Variants in KCNQ1OT1 observed in about 807,000 individuals in gnomAD.
KCNQ1OT1 encodes the protein KCNQ1 antisense RNA 2 (non-protein coding).
chr11:2,666,679 G>C, exon 1 of KCNQ1OT1: 1 of 398,654 alleles, frequency 2.5e-6, no homozygotes. Flanking sequence ...GGACCAGCTT[G>C]GCCTGGGACA....
At chr11:2,630,445 C>T in exon 1 of KCNQ1OT1, 1 of 398,144 alleles carries the variant, frequency 2.5e-6, no homozygotes, top group Non-Finnish European at 4.4e-6. Flanking sequence ...TGGGATTGTT[C>T]CCTCTTTGTT....
chr11:2,647,379 G>A lies in KCNQ1OT1; in HGVS notation n.52616C>T. The A allele has an allele frequency of 2.5e-6, 1 of 398,576 alleles. No individual in the cohort carries two copies. Among genetic ancestry groups the A allele is most frequent in the Non-Finnish European group, 4.4e-6 (1 of 226,052 alleles). The allele number at this position is 398,576 out of a possible 1,614,324, so 24.7% of individuals were successfully genotyped here. ...ATGTGCGATTGGATTCAGATTGCTA[G>A]TTTGTGTGTCTGTGTGTGTGTTTTG... On this transcript the variant is annotated non_coding_transcript_exon_variant, in exon 1 of 1. Transcript: ENST00000597346. This position sits in a 1 kb window ranked among gnomAD's most constrained non-coding sequence, Gnocchi z 4.0.
chr11:2,633,122 A>T (rs936993781), exon 1 of KCNQ1OT1: 1 of 398,394 alleles, frequency 2.5e-6, no homozygotes, highest in African/African-American at 2.1e-5. Context: ...CTGAGGTGAA[A>T]TAATGTCTCA....
Position 2,617,070 on chromosome 11 carries a change from CT to C in KCNQ1OT1, n.82924del, listed in dbSNP as rs1849079069. The C allele has an allele frequency of 2.5e-6, 1 of 397,834 alleles. No homozygotes were observed. Among genetic ancestry groups the C allele is most frequent in the Non-Finnish European group, 4.4e-6 (1 of 225,792 alleles). 24.6% of individuals were successfully genotyped at this position (397,834 alleles called of 1,614,324 possible). On this transcript the variant is annotated non_coding_transcript_exon_variant, in exon 1 of 1. Coordinates refer to ENST00000597346, the Ensembl canonical transcript of KCNQ1OT1. This position sits in a 1 kb window ranked among gnomAD's most constrained non-coding sequence, Gnocchi z 4.6. ...ATATGTCCATCATCTCACAGTTATT[CT>C]TTTGTGTGTATGAGTGAGAAAAGCT...
chr11:2,641,168 C>T, exon 1 of KCNQ1OT1: 2 of 398,416 alleles, frequency 5.0e-6, no homozygotes, highest in Non-Finnish European at 4.4e-6. Flanking sequence ...ATATCTTTTC[C>T]TTTAGATAAA....
rs572659171 is a variant in KCNQ1OT1, at chr11:2,695,862, T to C, written n.4133A>G. On this transcript the variant is annotated non_coding_transcript_exon_variant, in exon 1 of 1. Transcript: ENST00000597346. The surrounding 1 kb of genome is among the most constrained non-coding windows in gnomAD (Gnocchi z 5.2). ...ATTAGCTTGGGCAAATTTTCATCTG[T>C]TTGTTAACCCTCCTGCAAACTGGCA... 1 of 398,666 alleles carries C rather than the reference T, an allele frequency of 2.5e-6. No individual in the cohort carries two copies. Among genetic ancestry groups the C allele is most frequent in the African/African-American group, 2.1e-5 (1 of 48,764 alleles). 24.7% of individuals were successfully genotyped at this position (398,666 alleles called of 1,614,324 possible).
chr11:2,612,002 G>A lies in KCNQ1OT1; in HGVS notation n.87993C>T. The A allele has an allele frequency of 5.0e-6, 2 of 398,598 alleles. No individual in the cohort carries two copies. The highest frequency in any genetic ancestry group is 8.8e-6 in the Non-Finnish European group (2 of 226,058). The allele number at this position is 398,598 out of a possible 1,614,324, so 24.7% of individuals were successfully genotyped here. On this transcript the variant is annotated non_coding_transcript_exon_variant, in exon 1 of 1. Coordinates refer to ENST00000597346, the Ensembl canonical transcript of KCNQ1OT1. The surrounding 1 kb of genome is among the most constrained non-coding windows in gnomAD (Gnocchi z 5.5). ...TCTCAGTACTCTTATTAACACATATGTTGTTACTCCTTAATTCCACATATG... is the reference window on the plus strand; with the variant it reads ...TCTCAGTACTCTTATTAACACATATATTGTTACTCCTTAATTCCACATATG...
chr11:2,620,844 C>T lies in KCNQ1OT1; in HGVS notation n.79151G>A. On this transcript the variant is annotated non_coding_transcript_exon_variant, in exon 1 of 1. Transcript: ENST00000597346. This position sits in a 1 kb window ranked among gnomAD's most constrained non-coding sequence, Gnocchi z 4.5. ...CGTTCCCTTTTCTCTGCAGCCTTCC[C>T]AGCAACTTTTATTTTTTTGACTTTT... The T allele has an allele frequency of 2.5e-6, 1 of 398,532 alleles. No homozygotes were observed. Among genetic ancestry groups the T allele is most frequent in the Non-Finnish European group, 4.4e-6 (1 of 226,076 alleles). The allele number at this position is 398,532 out of a possible 1,614,324, so 24.7% of individuals were successfully genotyped here. A position where few individuals can be genotyped will look rare whatever the true frequency, so the allele number is the denominator to read the frequency against.
exon 1 of KCNQ1OT1, chr11:2,610,424 C>A (rs1564832738): frequency 2.5e-6 from 1 of 398,224 alleles, no homozygotes. Flanking sequence ...GTTTTATTAA[C>A]CTCCTTATAT....
At chr11:2,649,646 A>G (rs1383251521) in exon 1 of KCNQ1OT1, 1 of 398,452 alleles carries the variant, frequency 2.5e-6, no homozygotes, top group Non-Finnish European at 4.4e-6. Flanking sequence ...TTCCTGGCCT[A>G]GAAGGTTTCT....
chr11:2,664,171 G>A lies in KCNQ1OT1; in HGVS notation n.35824C>T. 3 of 398,762 alleles carry A rather than the reference G, an allele frequency of 7.5e-6. No homozygotes were observed. The highest frequency in any genetic ancestry group is 4.4e-6 in the Non-Finnish European group (1 of 226,192). The allele number at this position is 398,762 out of a possible 1,614,324, so 24.7% of individuals were successfully genotyped here. A position where few individuals can be genotyped will look rare whatever the true frequency, so the allele number is the denominator to read the frequency against. On this transcript the variant is annotated non_coding_transcript_exon_variant, in exon 1 of 1. Transcript: ENST00000597346. This position sits in a 1 kb window ranked among gnomAD's most constrained non-coding sequence, Gnocchi z 5.1. Reference sequence around the variant, plus strand: ...AGAGCAGGCTGTTCCAAAAGTGGCTGCTAGATATGAGCCAGCCTGGGAAGG... The same window carrying A: ...AGAGCAGGCTGTTCCAAAAGTGGCTACTAGATATGAGCCAGCCTGGGAAGG...
In KCNQ1OT1 at chr11:2,623,166, T is replaced by C. The variant is rs1849202967; in HGVS notation, n.76829A>G. 2.5e-6 allele frequency: 1 copy of C among 398,734 alleles called. No homozygotes were observed. The highest frequency in any genetic ancestry group is 3.6e-5 in the East Asian group (1 of 28,076). 24.7% of individuals were successfully genotyped at this position (398,734 alleles called of 1,614,324 possible). A position where few individuals can be genotyped will look rare whatever the true frequency, so the allele number is the denominator to read the frequency against. On this transcript the variant is annotated non_coding_transcript_exon_variant, in exon 1 of 1. Transcript: ENST00000597346. This position sits in a 1 kb window ranked among gnomAD's most constrained non-coding sequence, Gnocchi z 5.2. Reference sequence around the variant, plus strand: ...CTCCTGTTCTGCCATGGTAAAGATGTGCCTGCTTCTCCTTTGCCTTCCGCC... The same window carrying C: ...CTCCTGTTCTGCCATGGTAAAGATGCGCCTGCTTCTCCTTTGCCTTCCGCC...
chr11:2,662,853 C>G (rs1307456942), exon 1 of KCNQ1OT1: 4 of 398,698 alleles, frequency 1.0e-5, no homozygotes, highest in Admixed American at 4.4e-5. Context: ...AACTCTCCTT[C>G]TCTCTACCAA....
exon 1 of KCNQ1OT1, chr11:2,634,714 C>G (rs1849427305): frequency 6.6e-6 from 1 of 152,202 alleles, no homozygotes; most frequent in South Asian, 2.1e-4. Flanking sequence ...ATGGCTGGAT[C>G]AAATGGTATT....
Position 2,617,421 on chromosome 11 carries a change from A to G in KCNQ1OT1, n.82574T>C. ...GGCAGGATCTCCTTTTTTAATGCGGAATAATATTCCATTGTAGACATACAC... is the reference window on the plus strand; with the variant it reads ...GGCAGGATCTCCTTTTTTAATGCGGGATAATATTCCATTGTAGACATACAC... On this transcript the variant is annotated non_coding_transcript_exon_variant, in exon 1 of 1. Transcript: ENST00000597346. This position sits in a 1 kb window ranked among gnomAD's most constrained non-coding sequence, Gnocchi z 4.6. 2 of 398,458 alleles carry G rather than the reference A, an allele frequency of 5.0e-6. No homozygotes were observed. Among genetic ancestry groups the G allele is most frequent in the Admixed American group, 4.4e-5 (1 of 22,716 alleles). The allele number at this position is 398,458 out of a possible 1,614,324, so 24.7% of individuals were successfully genotyped here. A position where few individuals can be genotyped will look rare whatever the true frequency, so the allele number is the denominator to read the frequency against.
In KCNQ1OT1 at chr11:2,621,772, A is replaced by G; in HGVS notation, n.78223T>C. 5.0e-6 allele frequency: 2 copies of G among 398,266 alleles called. No homozygotes were observed. Among genetic ancestry groups the G allele is most frequent in the Non-Finnish European group, 4.4e-6 (1 of 225,944 alleles). The allele number at this position is 398,266 out of a possible 1,614,324, so 24.7% of individuals were successfully genotyped here. On this transcript the variant is annotated non_coding_transcript_exon_variant, in exon 1 of 1. Coordinates refer to ENST00000597346, the Ensembl canonical transcript of KCNQ1OT1. The surrounding 1 kb of genome is among the most constrained non-coding windows in gnomAD (Gnocchi z 5.7). ...CTGATTTTGTCCTCTTTCTTAGTCC[A>G]AGAGTTTGTTGATTTTATTTTTCAA...
At chr11:2,681,867 G>A (rs1009454021) in exon 1 of KCNQ1OT1, 3 of 398,464 alleles carry the variant, frequency 7.5e-6, no homozygotes, top group African/African-American at 4.1e-5. Flanking sequence ...AGGAGGCCCA[G>A]CACTACCATC....
rs545880295 is a variant in KCNQ1OT1 at position 2,686,289 on chromosome 11, C to CCAGACCA, written n.13699_13705dup. 3.8e-5 allele frequency: 15 copies of CCAGACCA among 398,738 alleles called. No individual in the cohort carries two copies. In the South Asian group the frequency reaches 1.7e-3, roughly 44 times the overall value. The allele number at this position is 398,738 out of a possible 1,614,324, so 24.7% of individuals were successfully genotyped here. Reference sequence around the variant, plus strand: ...CCAGTACTGCCACTGGCTTGGGAGGCCAGACCACAGACCACACTAGTGTCA... The same window carrying CCAGACCA: ...CCAGTACTGCCACTGGCTTGGGAGGCCAGACCACAGACCACAGACCACACTAGTGTCA... On this transcript the variant is annotated non_coding_transcript_exon_variant, in exon 1 of 1. Coordinates refer to ENST00000597346, the Ensembl canonical transcript of KCNQ1OT1.
At chr11:2,610,949 C>A in exon 1 of KCNQ1OT1, 2 of 398,232 alleles carry the variant, frequency 5.0e-6, no homozygotes, top group South Asian at 2.5e-4. Context: ...ATTGATAGAA[C>A]AACAAGACAG....
Sources: gnomAD v4.1 joint callset for allele counts on GRCh38, gnomAD v4.1.1 for gene constraint, Gnocchi (gnomAD v3.1) non-coding constraint, MANE v1.5 for transcripts, NCBI Gene and HGNC (gene_info 2026-07-23, HGNC 2026-07-21) for gene names.